Variants in CDKN2B-AS1 observed in about 807,000 individuals in gnomAD.
CDKN2B-AS1 encodes CDKN2B and CDKN2A antisense cis and trans regulatory RNA 1.
At chr9:22,032,145 G>A (rs1822501801) in intron 1 of CDKN2B-AS1, among the ~76,000 whole-genome samples, 1 of 152,036 alleles carries the variant, frequency 6.6e-6, no homozygotes. Context: ...AAGCTATGAG[G>A]TTTTTTTTGG....
intron 4 of CDKN2B-AS1, among the ~76,000 whole-genome samples, chr9:22,076,876 G>C (rs1824514280): frequency 6.6e-6 from 1 of 152,028 alleles, no homozygotes; most frequent in Non-Finnish European, 1.5e-5. Context: ...TAGAGACAGG[G>C]TTTCACCATG....
intron 1 of CDKN2B-AS1, among the ~76,000 whole-genome samples, chr9:22,022,378 G>A (rs368778000): frequency 3.9e-5 from 6 of 152,058 alleles, no homozygotes; most frequent in Admixed American, 2.0e-4. Flanking sequence ...AGATTTTCTC[G>A]TTGAATTGAA....
chr9:22,097,432 T>C (rs375662571), intron 4 of CDKN2B-AS1: 1 of 152,200 alleles, frequency 6.6e-6, no homozygotes, highest in Non-Finnish European at 1.5e-5. Flanking sequence ...AACTTGTCAA[T>C]GAAATGAAGG....
chr9:22,026,061 A>C (rs1335551285), intron 1 of CDKN2B-AS1, among the ~76,000 whole-genome samples: 1 of 151,686 alleles, frequency 6.6e-6, no homozygotes, highest in East Asian at 1.9e-4. Flanking sequence ...GACTCTACCC[A>C]GTGATGAGGA....
intron 4 of CDKN2B-AS1, among the ~76,000 whole-genome samples, chr9:22,126,414 C>A (rs1215140832): frequency 6.6e-6 from 1 of 151,768 alleles, no homozygotes; most frequent in African/African-American, 2.4e-5. Context: ...GTATTCTTTT[C>A]AAAATAATAA....
intron 4 of CDKN2B-AS1, among the ~76,000 whole-genome samples, chr9:22,092,763 C>G (rs1243870058): frequency 1.3e-5 from 2 of 151,954 alleles, no homozygotes; most frequent in Non-Finnish European, 1.5e-5. Context: ...TTGATCTTTT[C>G]AAAAAACCAG....
chr9:22,027,718 G>A (rs1393122490), intron 1 of CDKN2B-AS1, among the ~76,000 whole-genome samples: 1 of 152,150 alleles, frequency 6.6e-6, no homozygotes, highest in African/African-American at 2.4e-5. Flanking sequence ...ATACATCCGT[G>A]ACAAAGAGTA....
chr9:22,071,057 T>C (rs962971256), intron 4 of CDKN2B-AS1, among the ~76,000 whole-genome samples: 1 of 152,050 alleles, frequency 6.6e-6, no homozygotes. Flanking sequence ...ATCTGAAACG[T>C]CTATTTCTGT....
chr9:22,012,647 G>T (rs1821563434), intron 1 of CDKN2B-AS1: 1 of 361,064 alleles, frequency 2.8e-6, no homozygotes, highest in South Asian at 2.3e-5. Context: ...GAATAGAACT[G>T]GTTGACTGGC....
At chr9:22,078,206 T>C (rs1441124891) in intron 4 of CDKN2B-AS1, among the ~76,000 whole-genome samples, 3 of 152,222 alleles carry the variant, frequency 2.0e-5, no homozygotes, top group Non-Finnish European at 4.4e-5. Context: ...TTCTTTGATC[T>C]AGACTAGATG....
rs557330932 is a variant in CDKN2B-AS1 at position 22,018,381 on chromosome 9, C to T, written n.29+23220C>T. ...TACTGATAACATATGCCATGGGCCG[C>T]GCATGGTGGCTCACGCCTGTAATCC... On this transcript the variant is annotated intron_variant and non_coding_transcript_variant, in intron 1 of 4. Transcript: ENST00000650946. 1.7e-3 allele frequency among the ~76,000 whole-genome samples: 262 copies of T among 150,832 alleles called. 5 individuals carry two copies. The highest frequency in any genetic ancestry group is 6.1e-3 in the African/African-American group (251 of 40,994).
chr9:22,021,578 G>A lies in CDKN2B-AS1; in HGVS notation n.30-25173G>A, dbSNP rs557100442. Reference sequence around the variant, plus strand: ...ATGAGCATAGAATGCTTTTCCATTTGTTTATGTTATCTCTGATTTCCTTGA... The same window carrying A: ...ATGAGCATAGAATGCTTTTCCATTTATTTATGTTATCTCTGATTTCCTTGA... On this transcript the variant is annotated intron_variant and non_coding_transcript_variant, in intron 1 of 4. Coordinates refer to ENST00000650946, the Ensembl canonical transcript of CDKN2B-AS1. 2.0e-5 allele frequency among the ~76,000 whole-genome samples: 3 copies of A among 152,160 alleles called. No individual in the cohort carries two copies. The South Asian group carries it at 6.2e-4, about 32-fold the overall frequency.
intron 1 of CDKN2B-AS1, among the ~76,000 whole-genome samples, chr9:22,037,356 C>T (rs905210272): frequency 1.3e-5 from 2 of 152,072 alleles, no homozygotes; most frequent in Non-Finnish European, 2.9e-5. Flanking sequence ...GTTAACCTCA[C>T]TTCTATCTCT....
At chr9:22,126,614 C>T (rs1015983127) in intron 4 of CDKN2B-AS1, among the ~76,000 whole-genome samples, 5 of 139,008 alleles carry the variant, frequency 3.6e-5, no homozygotes, top group Non-Finnish European at 7.5e-5. Context: ...GTCTCGCTCG[C>T]CCAGGCCGAC....
At chr9:22,098,720 A>C (rs533006497) in intron 4 of CDKN2B-AS1, among the ~76,000 whole-genome samples, 1 of 152,322 alleles carries the variant, frequency 6.6e-6, no homozygotes, top group South Asian at 2.1e-4. Context: ...AAGTCTTAGA[A>C]ACATTAACTG....
At chr9:22,103,108 C>G (rs1376166813) in intron 4 of CDKN2B-AS1, among the ~76,000 whole-genome samples, 1 of 147,326 alleles carries the variant, frequency 6.8e-6, no homozygotes, top group African/African-American at 2.5e-5. Context: ...TTTCTGCATT[C>G]TGGGGTTTTC....
chr9:22,070,703 C>T (rs1256781578), intron 4 of CDKN2B-AS1, among the ~76,000 whole-genome samples: 1 of 152,128 alleles, frequency 6.6e-6, no homozygotes, highest in Non-Finnish European at 1.5e-5. Flanking sequence ...TGCTAGTTAC[C>T]GGTCCCAGCC....
intron 4 of CDKN2B-AS1, among the ~76,000 whole-genome samples, chr9:22,101,111 T>C (rs1825468001): frequency 6.6e-6 from 1 of 152,222 alleles, no homozygotes; most frequent in Non-Finnish European, 1.5e-5. Context: ...TATGAAAATC[T>C]TTAAAATTCC....
intron 4 of CDKN2B-AS1, among the ~76,000 whole-genome samples, chr9:22,099,071 A>C (rs909229936): frequency 2.0e-5 from 3 of 152,214 alleles, no homozygotes; most frequent in Non-Finnish European, 2.9e-5. Flanking sequence ...TGAACTGGGA[A>C]AGTTCATGGC....
Sources: gnomAD v4.1 joint callset for allele counts (sites outside exome capture counted in the v4.1 genomes callset) on GRCh38, gnomAD v4.1.1 for gene constraint, MANE v1.5 for transcripts, NCBI Gene and HGNC (gene_info 2026-07-23, HGNC 2026-07-21) for gene names.